ACTL6B: variants seen among roughly 807,000 people sequenced by gnomAD.
ACTL6B encodes the protein actin like 6B, also known as actin-like protein 6B.
ACTL6B carries 48 observed loss-of-function variants against 63.3 expected under a neutral mutation model. The ratio of observed to expected loss-of-function variants is 0.76; its 90% CI spans 0.60 to 0.96. The LOEUF (loss-of-function observed/expected upper bound fraction) is 0.96. Among genes scored for constraint, ACTL6B ranks in the 50% least tolerant of loss-of-function variants. The pLI is 0.00. For missense variants in ACTL6B, 350 were observed against 572.2 expected, an observed-to-expected ratio of 0.61 and a Z score of 3.96; for synonymous variants, 230 against 223.8, an observed-to-expected ratio of 1.03 and a Z score of -0.25.
chr7:100,655,357 A>G lies in ACTL6B; in HGVS notation c.268+64T>C, dbSNP rs1804018032. On this transcript the variant is annotated intron_variant, in intron 3 of 13. Coordinates refer to ENST00000160382, the MANE Select transcript of ACTL6B (RefSeq NM_016188.5). This position sits in a 1 kb window ranked among gnomAD's most constrained non-coding sequence, Gnocchi z 4.4. Reference sequence around the variant, plus strand: ...GACTCCGCGGGGAGTGGGGGCTGCTATGACCCAGATTGTGGGGAGCGGGCT... The same window carrying G: ...GACTCCGCGGGGAGTGGGGGCTGCTGTGACCCAGATTGTGGGGAGCGGGCT... 2 of 1,553,330 alleles carry G rather than the reference A, an allele frequency of 1.3e-6. No individual in the cohort carries two copies. Among genetic ancestry groups the G allele is most frequent in the Admixed American group, 1.8e-5 (1 of 54,304 alleles).
In ACTL6B at chr7:100,648,581, A is replaced by G; in HGVS notation, c.644T>C (p.Ile215Thr). The change falls in exon 7 of 14, where the codon ATC (isoleucine) becomes ACC (threonine). Residue 215 changes from isoleucine (I) to threonine (T), a missense_variant. By Grantham distance (89) the Ile-to-Thr change is moderately conservative (BLOSUM62 -1). Around this residue, in one of 3 missense-constraint regions of ACTL6B, gnomAD observed 250 missense variants for 364.7 expected, o/e 0.69. Transcript: ENST00000160382. The surrounding 1 kb of genome is among the most constrained non-coding windows in gnomAD (Gnocchi z 4.4). The stretch of plus-strand genomic sequence containing the variant: ...CTTGGCTGCGATCATGTAAGGTGGG[A>G]TGATGTCAATGGCCATCTCCTGGAA... ...ELFQEMAIDI[I>T]PPYMIAAKEP... 6.2e-7 allele frequency: 1 copy of G among 1,611,618 alleles called. No homozygotes were observed. Among genetic ancestry groups the G allele is most frequent in the Non-Finnish European group, 8.5e-7 (1 of 1,178,688 alleles).
chr7:100,652,012 A>T (rs981920583), intron 4 of ACTL6B, among the ~76,000 whole-genome samples: 7 of 152,334 alleles, frequency 4.6e-5, no homozygotes, highest in Non-Finnish European at 8.8e-5. Context: ...GTGAAGGAAG[A>T]TGCCAGCATG....
intron 13 of ACTL6B, among the ~76,000 whole-genome samples, chr7:100,644,798 G>A (rs1803791418): frequency 6.6e-6 from 1 of 150,570 alleles, no homozygotes; most frequent in Non-Finnish European, 1.5e-5. Context: ...GCTCACACCT[G>A]TAATCCCAGC....
intron 4 of ACTL6B, among the ~76,000 whole-genome samples, chr7:100,650,602 C>A (rs781509384): frequency 6.6e-6 from 1 of 151,878 alleles, no homozygotes. Context: ...TTTGGGAGGC[C>A]GAGGCAGGAG....
chr7:100,650,773 T>C (rs575859951), intron 4 of ACTL6B, among the ~76,000 whole-genome samples: 72 of 151,950 alleles, frequency 4.7e-4, no homozygotes, highest in Middle Eastern at 6.8e-3. Flanking sequence ...GGAGGGAATA[T>C]CTTGGAAACC....
In ACTL6B at chr7:100,655,388, T is replaced by C; in HGVS notation, c.268+33A>G. 6.2e-7 allele frequency: 1 copy of C among 1,602,082 alleles called. No homozygotes were observed. Among genetic ancestry groups the C allele is most frequent in the Non-Finnish European group, 8.5e-7 (1 of 1,174,126 alleles). On this transcript the variant is annotated intron_variant, in intron 3 of 13. Transcript: ENST00000160382. The surrounding 1 kb of genome is among the most constrained non-coding windows in gnomAD (Gnocchi z 4.4). ...CAGATTGTGGGGAGCGGGCTCCTTT[T>C]CTGTCAGGAGGTGATGGGTGGGGGC... is the stretch of plus-strand genomic sequence containing the variant.
intron 13 of ACTL6B, among the ~76,000 whole-genome samples, chr7:100,645,489 C>T (rs982203720): frequency 3.9e-5 from 6 of 152,144 alleles, no homozygotes; most frequent in Non-Finnish European, 8.8e-5. Flanking sequence ...AGACTCATGC[C>T]TGGCAGTCTT....
chr7:100,647,028 G>C lies in ACTL6B; in HGVS notation c.879C>G (p.Asp293Glu). The C allele has an allele frequency of 6.2e-7, 1 of 1,614,136 alleles. No homozygotes were observed. Among genetic ancestry groups the C allele is most frequent in the Non-Finnish European group, 8.5e-7 (1 of 1,180,028 alleles). Residue 293 changes from aspartate (D) to glutamate (E), a missense_variant, in exon 10 of 14, where the codon GAC (aspartate) becomes GAG (glutamate). Transcript: ENST00000160382. This position sits in a 1 kb window ranked among gnomAD's most constrained non-coding sequence, Gnocchi z 4.4. ...GGATGCGGAGTCGCTCGGCGCCGTA[G>C]TCTGTATTGTAGCCATTGGGCATCT... ...HYEMPNGYNTDYGAERLRIPE... is the reference protein window; with the variant it reads ...HYEMPNGYNTEYGAERLRIPE...
intron 13 of ACTL6B, among the ~76,000 whole-genome samples, chr7:100,645,654 G>A (rs570431395): frequency 2.1e-4 from 26 of 125,934 alleles, no homozygotes; most frequent in Admixed American, 9.7e-4. Context: ...TTTTTTTTTT[G>A]AGAGTCTTAC....
rs1230987769 is a variant in ACTL6B, at chr7:100,647,650, C to T, written c.670-117G>A. On this transcript the variant is annotated intron_variant, in intron 7 of 13. Transcript: ENST00000160382. This position sits in a 1 kb window ranked among gnomAD's most constrained non-coding sequence, Gnocchi z 4.4. ...GGCGCTGCAGGCTCTGCTGTGCTGC[C>T]TGCAAGAGGGGTTTCTCACCCTTCC... 1.4e-6 allele frequency: 1 copy of T among 739,798 alleles called. No homozygotes were observed. The allele number at this position is 739,798 out of a possible 1,614,324, so 45.8% of individuals were successfully genotyped here. A position where few individuals can be genotyped will look rare whatever the true frequency, so the allele number is the denominator to read the frequency against.
At position 100,643,188 on chromosome 7, in the gene ACTL6B, A is replaced by T; in HGVS notation, c.*58T>A. 6.6e-7 allele frequency: 1 copy of T among 1,507,788 alleles called. No homozygotes were observed. Among genetic ancestry groups the T allele is most frequent in the South Asian group, 1.1e-5 (1 of 88,814 alleles). The allele number at this position is 1,507,788 out of a possible 1,614,324, so 93.4% of individuals were successfully genotyped here. ...GAAAGGAGGAGGGGGGCAATGTGGC[A>T]TGGGGGTTAAGGGACTTCCATCTGA... On this transcript the variant is annotated 3_prime_UTR_variant, in exon 14 of 14. Transcript: ENST00000160382.
At position 100,647,610 on chromosome 7, in the gene ACTL6B, G is replaced by A; in HGVS notation, c.670-77C>T. The A allele has an allele frequency of 1.8e-6, 2 of 1,103,660 alleles. No individual in the cohort carries two copies. The highest frequency in any genetic ancestry group is 2.6e-6 in the Non-Finnish European group (2 of 760,318). 68.4% of individuals were successfully genotyped at this position (1,103,660 alleles called of 1,614,324 possible). A position where few individuals can be genotyped will look rare whatever the true frequency, so the allele number is the denominator to read the frequency against. ...CCCCACCTTCCTGGCACTGTTCCCA[G>A]CTCTGCAGCTACCTGGCGCTGCAGG... is the stretch of plus-strand genomic sequence containing the variant. On this transcript the variant is annotated intron_variant, in intron 7 of 13. Transcript: ENST00000160382. This position sits in a 1 kb window ranked among gnomAD's most constrained non-coding sequence, Gnocchi z 4.4.
At chr7:100,644,360 CAT>C (rs1454937477) in intron 13 of ACTL6B, among the ~76,000 whole-genome samples, 1 of 152,190 alleles carries the variant, frequency 6.6e-6, no homozygotes, top group Non-Finnish European at 1.5e-5. Context: ...AGCCTACACA[CAT>C]GTGCTGTCCA....
chr7:100,649,945 C>G, intron 5 of ACTL6B, 93 bp downstream of exon 5: 2 of 1,167,430 alleles, frequency 1.7e-6, no homozygotes, highest in Non-Finnish European at 2.5e-6. Context: ...CTTCAGAGAA[C>G]CAGGCCTGAC....
At position 100,648,439 on chromosome 7, in the gene ACTL6B, G is replaced by C; in HGVS notation, c.669+117C>G. 3 of 875,740 alleles carry C rather than the reference G, an allele frequency of 3.4e-6. No homozygotes were observed. The highest frequency in any genetic ancestry group is 5.1e-6 in the Non-Finnish European group (3 of 587,636). 54.2% of individuals were successfully genotyped at this position (875,740 alleles called of 1,614,324 possible). On this transcript the variant is annotated intron_variant, in intron 7 of 13. Coordinates refer to ENST00000160382, the MANE Select transcript of ACTL6B (RefSeq NM_016188.5). This position sits in a 1 kb window ranked among gnomAD's most constrained non-coding sequence, Gnocchi z 4.4. ...ATTATAAAAGGAGGAACTGGAGCCA[G>C]GACCCACTGGGGAGCCTGCTGCTCT...
chr7:100,648,942 C>T lies in ACTL6B; in HGVS notation c.468-119G>A. The T allele has an allele frequency of 1.1e-6, 1 of 939,580 alleles. No homozygotes were observed. The highest frequency in any genetic ancestry group is 1.8e-5 in the South Asian group (1 of 56,548). The allele number at this position is 939,580 out of a possible 1,614,324, so 58.2% of individuals were successfully genotyped here. A position where few individuals can be genotyped will look rare whatever the true frequency, so the allele number is the denominator to read the frequency against. The stretch of plus-strand genomic sequence containing the variant: ...CAGCCCATCCCCAGTCTGCAAATCT[C>T]TCCCCCTGGTGATGACTCATCTCCT... On this transcript the variant is annotated intron_variant, in intron 5 of 13. Coordinates refer to ENST00000160382, the MANE Select transcript of ACTL6B (RefSeq NM_016188.5). The surrounding 1 kb of genome is among the most constrained non-coding windows in gnomAD (Gnocchi z 4.4).
At chr7:100,649,988 GCCC>G (rs1345256880) in intron 5 of ACTL6B, 47 bp downstream of exon 5, 2 of 1,552,492 alleles carry the variant, frequency 1.3e-6, no homozygotes, top group Non-Finnish European at 1.8e-6. Context: ...CTCAGCACAG[GCCC>G]CACCCCAGCC....
Position 100,647,634 on chromosome 7 carries a change from G to GA in ACTL6B, c.670-102_670-101insT. ...AGCTCTGCAGCTACCTGGCGCTGCAGGCTCTGCTGTGCTGCCTGCAAGAGG... is the reference window on the plus strand; with the variant it reads ...AGCTCTGCAGCTACCTGGCGCTGCAGAGCTCTGCTGTGCTGCCTGCAAGAGG... On this transcript the variant is annotated intron_variant, in intron 7 of 13. Transcript: ENST00000160382. This position sits in a 1 kb window ranked among gnomAD's most constrained non-coding sequence, Gnocchi z 4.4. 1 of 889,110 alleles carries GA rather than the reference G, an allele frequency of 1.1e-6. No homozygotes were observed. The highest frequency in any genetic ancestry group is 1.7e-6 in the Non-Finnish European group (1 of 572,612). 55.1% of individuals were successfully genotyped at this position (889,110 alleles called of 1,614,324 possible). A position where few individuals can be genotyped will look rare whatever the true frequency, so the allele number is the denominator to read the frequency against.
intron 4 of ACTL6B, 145 bp from the exon 5 acceptor site, chr7:100,650,280 ACT>A (rs1803914446): frequency 7.6e-6 from 5 of 655,882 alleles, no homozygotes; most frequent in South Asian, 5.1e-5. Context: ...CAACCTAAAC[ACT>A]CACACATACA....
Sources: allele counts gnomAD v4.1 joint callset (sites outside exome capture counted in the v4.1 genomes callset), GRCh38; gene constraint gnomAD v4.1.1; regional missense constraint gnomAD v4.1.1; non-coding constraint Gnocchi (gnomAD v3.1); transcripts MANE v1.5; gene names NCBI Gene and HGNC (gene_info 2026-07-23, HGNC 2026-07-21).